The following CDH2 variants were observed in gnomAD, a reference collection of about 807,000 sequenced individuals.
CDH2 encodes the protein cadherin 2.
In CDH2, 17 loss-of-function variants were observed where a neutral mutation model predicts 92.0. The observed-to-expected ratio is 0.18, with a 90% CI of 0.13 to 0.28. CDH2 has a LOEUF of 0.28. CDH2 is among the 10% of genes least tolerant of loss of function. The probability of loss-of-function intolerance (pLI) is 1.00; values close to 1 mark genes in which losing one functional copy is unlikely to be tolerated. For missense variants in CDH2, 862 were observed against 1,133.1 expected (o/e 0.76, Z 3.44); for synonymous variants, 419 against 415.9 (o/e 1.01, Z -0.09).
rs1909449344 is a variant in CDH2, at chr18:27,951,554, T to A, written c.*599A>T. 6.6e-6 allele frequency: 1 copy of A among 152,516 alleles called. No homozygotes were observed. Among genetic ancestry groups the A allele is most frequent in the African/African-American group, 2.4e-5 (1 of 41,396 alleles). 9.4% of individuals were successfully genotyped at this position (152,516 alleles called of 1,614,324 possible). A position where few individuals can be genotyped will look rare whatever the true frequency, so the allele number is the denominator to read the frequency against. On this transcript the variant is annotated 3_prime_UTR_variant, in exon 16 of 16. Coordinates refer to ENST00000269141, the MANE Select transcript of CDH2 (RefSeq NM_001792.5). ...TCTAGTTTATGAAAAAATTCAATTTTGCTACAAATTGGTGATATGAAAACT... is the reference window on the plus strand; with the variant it reads ...TCTAGTTTATGAAAAAATTCAATTTAGCTACAAATTGGTGATATGAAAACT...
At chr18:27,949,249 G>A (rs535982448), downstream of CDH2, among the ~76,000 whole-genome samples, 18 of 151,986 alleles carry the variant, frequency 1.2e-4, no homozygotes, top group African/African-American at 4.3e-4. Flanking sequence ...AGAAAGCCTT[G>A]TCTTCTTTCA....
intron 2 of CDH2, among the ~76,000 whole-genome samples, chr18:28,089,558 T>C (rs1447696296): frequency 6.6e-6 from 1 of 152,154 alleles, no homozygotes; most frequent in Non-Finnish European, 1.5e-5. Context: ...AGTCTGTAAA[T>C]AGAGTTACAT....
intron 2 of CDH2, among the ~76,000 whole-genome samples, chr18:28,122,121 C>G (rs1417875062): frequency 1.3e-5 from 2 of 151,948 alleles, no homozygotes; most frequent in Non-Finnish European, 2.9e-5. Flanking sequence ...GTACCATATG[C>G]CCAAAAAATG....
At chr18:28,046,185 C>T (rs542373729) in intron 2 of CDH2, among the ~76,000 whole-genome samples, 3 of 152,188 alleles carry the variant, frequency 2.0e-5, no homozygotes, top group South Asian at 2.1e-4. Context: ...AATTTAAATA[C>T]GGTGCATTAC....
chr18:28,121,641 A>G lies in CDH2; in HGVS notation c.172+26032T>C, dbSNP rs1270849460. 2.6e-5 allele frequency among the ~76,000 whole-genome samples: 4 copies of G among 152,050 alleles called. No homozygotes were observed. In the South Asian group the frequency reaches 6.2e-4, roughly 24 times the overall value. ...TTCAAATTCTTTATCACTTTCATCA[A>G]TTCAACACTCATCTACTAAGTATTG... On this transcript the variant is annotated intron_variant, in intron 2 of 15. Coordinates refer to ENST00000269141, the MANE Select transcript of CDH2 (RefSeq NM_001792.5).
intron 6 of CDH2, among the ~76,000 whole-genome samples, chr18:27,934,804 G>A (rs1166397772): frequency 6.6e-6 from 1 of 152,092 alleles, no homozygotes; most frequent in Non-Finnish European, 1.5e-5. Context: ...TTTGGGCCCG[G>A]CAGACTCCAT....
intron 2 of CDH2, among the ~76,000 whole-genome samples, chr18:28,052,100 C>T (rs973572156): frequency 6.6e-6 from 1 of 151,944 alleles, no homozygotes. Context: ...ATGAGATATC[C>T]GATATATGAA....
At chr18:28,131,163 T>C (rs1382239400) in intron 2 of CDH2, among the ~76,000 whole-genome samples, 1 of 152,172 alleles carries the variant, frequency 6.6e-6, no homozygotes, top group Non-Finnish European at 1.5e-5. Context: ...TCTTCAGTAT[T>C]TGAAAGTTAT....
chr18:27,972,275 A>C (rs1218591180), intron 14 of CDH2, among the ~76,000 whole-genome samples: 1 of 152,164 alleles, frequency 6.6e-6, no homozygotes, highest in Non-Finnish European at 1.5e-5. Context: ...ATGTCTTCTA[A>C]AGTCATATTA....
chr18:28,076,710 G>A (rs1179971985), intron 2 of CDH2, among the ~76,000 whole-genome samples: 2 of 128,512 alleles, frequency 1.6e-5, no homozygotes, highest in East Asian at 4.7e-4. Flanking sequence ...CCGACGACAG[G>A]CCCCGGTGTG....
At chr18:28,009,489 C>T (rs1266831463) in intron 5 of CDH2, among the ~76,000 whole-genome samples, 1 of 152,104 alleles carries the variant, frequency 6.6e-6, no homozygotes, top group Non-Finnish European at 1.5e-5. Flanking sequence ...AGATTTTAGG[C>T]AATTTCACTT....
chr18:28,056,438 G>A (rs1182943471), intron 2 of CDH2, among the ~76,000 whole-genome samples: 3 of 152,110 alleles, frequency 2.0e-5, no homozygotes, highest in Admixed American at 6.5e-5. Context: ...AAGATTCTAT[G>A]TTTTATCACG....
chr18:27,978,468 T>A (rs1010218883), intron 14 of CDH2, among the ~76,000 whole-genome samples: 1 of 152,208 alleles, frequency 6.6e-6, no homozygotes, highest in Non-Finnish European at 1.5e-5. Context: ...ATCATCTTTT[T>A]ACCAAGGGGT....
chr18:28,136,076 C>A (rs1161914570), intron 2 of CDH2, among the ~76,000 whole-genome samples: 6 of 152,176 alleles, frequency 3.9e-5, no homozygotes, highest in African/African-American at 1.4e-4. Flanking sequence ...ATGCACAATA[C>A]ATGCCAAATC....
intron 1 of CDH2, chr18:28,159,160 A>C (rs1215335786): frequency 6.6e-6 from 1 of 152,224 alleles, no homozygotes; most frequent in Non-Finnish European, 1.5e-5. Context: ...TGAAGCCTGC[A>C]TTTGAAAGAA....
At chr18:28,083,699 A>C (rs2014873518) in intron 2 of CDH2, among the ~76,000 whole-genome samples, 1 of 152,184 alleles carries the variant, frequency 6.6e-6, no homozygotes, top group African/African-American at 2.4e-5. Flanking sequence ...TTTCGATCAT[A>C]AAAGGTATGA....
rs1187737666 is a variant in CDH2 at position 27,963,539 on chromosome 18, C to A, written c.2350-18G>T. ...TCATAGTCCTGCAAAAAGACAAAAT[C>A]AAAAACCGATGGGAGATGGGCACAA... On this transcript the variant is annotated intron_variant, in intron 14 of 15. Coordinates refer to ENST00000269141, the MANE Select transcript of CDH2 (RefSeq NM_001792.5). 4 of 1,611,148 alleles carry A rather than the reference C, an allele frequency of 2.5e-6. No individual in the cohort carries two copies. The highest frequency in any genetic ancestry group is 2.2e-5 in the East Asian group (1 of 44,836).
chr18:28,084,865 A>G (rs926952150), intron 2 of CDH2, among the ~76,000 whole-genome samples: 18 of 152,122 alleles, frequency 1.2e-4, no homozygotes, highest in African/African-American at 4.3e-4. Flanking sequence ...TTTTTTAGCT[A>G]TCCTTGGTAC....
intron 2 of CDH2, among the ~76,000 whole-genome samples, chr18:28,067,168 T>C (rs566909399): frequency 6.8e-4 from 104 of 152,296 alleles, no homozygotes; most frequent in Admixed American, 1.2e-3. Flanking sequence ...TTGGGTTTTG[T>C]TTACTTTTGG....
Sources: gnomAD v4.1 joint callset for allele counts (sites outside exome capture counted in the v4.1 genomes callset) on GRCh38, gnomAD v4.1.1 for gene constraint, MANE v1.5 for transcripts, NCBI Gene and HGNC (gene_info 2026-07-23, HGNC 2026-07-21) for gene names.